The following RYR2 variants were observed in gnomAD, a reference collection of about 807,000 sequenced individuals.
The protein encoded by RYR2 is cardiac muscle ryanodine receptor-calcium release channel.
Under a neutral mutation model 601.1 loss-of-function variants are expected in RYR2, and 227 were observed. That is an observed-to-expected ratio of 0.38 (90% CI 0.34 to 0.42). The LOEUF is 0.42. RYR2 is among the 10% of genes least tolerant of loss of function. The probability of loss-of-function intolerance (pLI) is 1.00; values close to 1 mark genes in which losing one functional copy is unlikely to be tolerated. For synonymous variants in RYR2, 2,223 were observed against 2,175.1 expected, an observed-to-expected ratio of 1.02 and a Z score of -0.61; for missense variants, 4,646 against 6,156.5, an observed-to-expected ratio of 0.75 and a Z score of 8.21.
intron 1 of RYR2, among the ~76,000 whole-genome samples, chr1:237,269,406 G>T (rs1418062045): frequency 6.6e-6 from 1 of 151,866 alleles, no homozygotes. Context: ...CTGCTTTTGA[G>T]TCTTTATTCC....
chr1:237,192,483 G>A (rs892854770), intron 1 of RYR2, among the ~76,000 whole-genome samples: 1 of 152,190 alleles, frequency 6.6e-6, no homozygotes, highest in Admixed American at 6.5e-5. Flanking sequence ...CCGAAGTGCC[G>A]GGATTACAGG....
At position 237,454,494 on chromosome 1, in the gene RYR2, C is replaced by G. The variant is rs376612295; in HGVS notation, c.1396C>G (p.Pro466Ala). 72 of 1,613,408 alleles carry G rather than the reference C, an allele frequency of 4.5e-5. No individual in the cohort carries two copies. Among genetic ancestry groups the G allele is most frequent in the Non-Finnish European group, 5.6e-5 (66 of 1,179,668 alleles). The change falls in exon 15 of 105, where the codon CCA becomes GCA. Residue 466 changes from proline (P) to alanine (A), a missense_variant. By Grantham distance (27) the Pro-to-Ala change is conservative (BLOSUM62 -1). Transcript: ENST00000366574. ...LQDLIGYFHP[P>A]DEHLEHEDKQ... is the part of the protein sequence containing the mutation. ...GGATCTCATTGGCTACTTCCACCCC[C>G]CAGATGAGCATTTAGAGCATGAAGA...
intron 3 of RYR2, among the ~76,000 whole-genome samples, chr1:237,345,002 G>A (rs1191598632): frequency 6.6e-6 from 1 of 151,926 alleles, no homozygotes; most frequent in Non-Finnish European, 1.5e-5. Context: ...GTAGAGACGG[G>A]GTTTCACCTT....
intron 2 of RYR2, 93 bp downstream of exon 2, chr1:237,270,709 A>G: frequency 1.5e-6 from 2 of 1,348,324 alleles, no homozygotes; most frequent in South Asian, 2.6e-5. Flanking sequence ...TCTGTGGAAT[A>G]CATACTATAT....
At position 237,449,055 on chromosome 1, in the gene RYR2, A is replaced by G. The variant is rs548537049; in HGVS notation, c.1292+3533A>G. Among the ~76,000 whole-genome samples the G allele has an allele frequency of 3.3e-5, 5 of 151,984 alleles. No homozygotes were observed. In the South Asian group the frequency reaches 1.0e-3, roughly 32 times the overall value. On this transcript the variant is annotated intron_variant, in intron 14 of 104. Coordinates refer to ENST00000366574, the MANE Select transcript of RYR2 (RefSeq NM_001035.3). The stretch of plus-strand genomic sequence containing the variant: ...CCTAGTAATAGGATAAAGAGGAGAT[A>G]CACACACACACGCCACCACCATCAC...
At chr1:237,492,516 C>A (rs1330575965) in intron 18 of RYR2, among the ~76,000 whole-genome samples, 1 of 152,142 alleles carries the variant, frequency 6.6e-6, no homozygotes, top group Non-Finnish European at 1.5e-5. Context: ...AAAAGTGCTG[C>A]TGATGCTTGA....
intron 2 of RYR2, among the ~76,000 whole-genome samples, chr1:237,298,225 C>G (rs974455302): frequency 1.3e-5 from 2 of 152,098 alleles, no homozygotes; most frequent in Non-Finnish European, 2.9e-5. Context: ...TCTCCCATCA[C>G]CTGGATGCAG....
At chr1:237,676,216 G>A (rs1050812030) in intron 60 of RYR2, among the ~76,000 whole-genome samples, 1 of 152,150 alleles carries the variant, frequency 6.6e-6, no homozygotes, top group Admixed American at 6.5e-5. Flanking sequence ...GTCATCATTT[G>A]GAGAAAGGAA....
chr1:237,303,025 T>C (rs1450390358), intron 2 of RYR2, among the ~76,000 whole-genome samples: 1 of 152,174 alleles, frequency 6.6e-6, no homozygotes, highest in African/African-American at 2.4e-5. Context: ...CTGAAAGGCA[T>C]AAGATCTCTG....
chr1:237,225,765 A>G (rs1684294553), intron 1 of RYR2, among the ~76,000 whole-genome samples: 1 of 152,122 alleles, frequency 6.6e-6, no homozygotes, highest in South Asian at 2.1e-4. Flanking sequence ...GTTAAAAGGG[A>G]TCCCCTGTAG....
intron 1 of RYR2, among the ~76,000 whole-genome samples, chr1:237,173,819 G>A (rs922260529): frequency 1.3e-5 from 2 of 150,516 alleles, no homozygotes; most frequent in Non-Finnish European, 3.0e-5. Flanking sequence ...CACTTTGGGA[G>A]GCCGAGGCGG....
chr1:237,122,001 G>A (rs1481662950), intron 1 of RYR2, among the ~76,000 whole-genome samples: 1 of 152,228 alleles, frequency 6.6e-6, no homozygotes, highest in Admixed American at 6.5e-5. Flanking sequence ...TGATTTGAGA[G>A]TAGAGGTCAC....
At chr1:237,159,795 G>C (rs1675808199) in intron 1 of RYR2, among the ~76,000 whole-genome samples, 6 of 152,112 alleles carry the variant, frequency 3.9e-5, no homozygotes, top group Admixed American at 3.9e-4. Context: ...TCAACTTATA[G>C]GGAAATAAAA....
At chr1:237,107,383 T>A (rs1271081844) in intron 1 of RYR2, among the ~76,000 whole-genome samples, 24 of 150,684 alleles carry the variant, frequency 1.6e-4, no homozygotes, top group African/African-American at 5.6e-4. Flanking sequence ...TAGCTGGACG[T>A]GGTGGCGGGC....
rs756435572 is a variant in RYR2, at chr1:237,801,901, C to A, written c.14136C>A (p.Val4712=). ...DVKYQMWKLG[V]VFTDNSFLYL... is the part of the protein sequence containing the mutation. ...AGTATCAGATGTGGAAACTAGGAGT[C>A]GTTTTCACTGACAACGTAAGCCTAC... The change falls in exon 98 of 105, where the codon GTC becomes GTA. Residue 4712 remains valine (V), a synonymous_variant. Transcript: ENST00000366574. 3.1e-6 allele frequency: 5 copies of A among 1,599,872 alleles called. No individual in the cohort carries two copies. The highest frequency in any genetic ancestry group is 3.3e-5 in the Admixed American group (2 of 59,942).
At chr1:237,809,349 C>T (rs1455855717) in intron 100 of RYR2, among the ~76,000 whole-genome samples, 1 of 152,224 alleles carries the variant, frequency 6.6e-6, no homozygotes, top group East Asian at 1.9e-4. Flanking sequence ...AACTATTTCC[C>T]AGAGAACATT....
chr1:237,716,440 G>A (rs1280712075), intron 71 of RYR2, among the ~76,000 whole-genome samples: 1 of 151,942 alleles, frequency 6.6e-6, no homozygotes, highest in Non-Finnish European at 1.5e-5. Context: ...AGTGGATGTG[G>A]GACAATTATT....
chr1:237,284,680 ATGT>A (rs749605068), intron 2 of RYR2, among the ~76,000 whole-genome samples: 67,579 of 133,932 alleles, frequency 0.5, 17,995 homozygotes, highest in East Asian at 0.77. Context: ...ATATATATAT[ATGT>A]ACACACACAC....
At position 237,643,461 on chromosome 1, in the gene RYR2, C is replaced by T. The variant is rs531846604; in HGVS notation, c.7342+14C>T. The T allele has an allele frequency of 3.1e-6, 5 of 1,613,618 alleles. No homozygotes were observed. Among genetic ancestry groups the T allele is most frequent in the Non-Finnish European group, 4.2e-6 (5 of 1,179,740 alleles). ...CAATAGCCAAAGGTAAGGCCAACTT[C>T]AATTTGTCCTAATTCAGTAGGATGT... On this transcript the variant is annotated intron_variant, in intron 48 of 104. Coordinates refer to ENST00000366574, the MANE Select transcript of RYR2 (RefSeq NM_001035.3).
Sources: gnomAD v4.1 joint callset for allele counts (sites outside exome capture counted in the v4.1 genomes callset) on GRCh38, gnomAD v4.1.1 for gene constraint, MANE v1.5 for transcripts, NCBI Gene and HGNC (gene_info 2026-07-23, HGNC 2026-07-21) for gene names.